The following AGPAT3 variants were observed in gnomAD, a reference collection of about 807,000 sequenced individuals.
AGPAT3 encodes the protein 1-acyl-sn-glycerol-3-phosphate acyltransferase gamma.
Under a neutral mutation model 47.3 loss-of-function variants are expected in AGPAT3, and 5 were observed. That is an observed-to-expected ratio of 0.11 (90% CI 0.06 to 0.22). The LOEUF (loss-of-function observed/expected upper bound fraction) is 0.22. AGPAT3 is among the 10% of genes least tolerant of loss of function. AGPAT3 has a pLI of 1.00. For synonymous variants in AGPAT3, 212 were observed against 208.3 expected (o/e 1.02, Z -0.15); for missense variants, 315 against 493.0 (o/e 0.64, Z 3.42).
Position 43,905,582 on chromosome 21 carries a change from C to A in AGPAT3, c.-49+1563C>A, listed in dbSNP as rs141647653. Among the ~76,000 whole-genome samples the A allele has an allele frequency of 1.0e-3, 159 of 152,314 alleles. 1 individual carries two copies. Among genetic ancestry groups the A allele is most frequent in the African/African-American group, 3.6e-3 (148 of 41,562 alleles). ...ATACTATAAAGACACAGTGGCAGCT[C>A]CCAGCTAACTGGCACTCTGAGCTGT... On this transcript the variant is annotated intron_variant, in intron 2 of 9. Transcript: ENST00000291572.
chr21:43,886,192 C>T (rs2085973374), intron 1 of AGPAT3, among the ~76,000 whole-genome samples: 1 of 152,134 alleles, frequency 6.6e-6, no homozygotes, highest in Non-Finnish European at 1.5e-5. Context: ...CACCTCTGCT[C>T]CTCCTGGCAG....
At chr21:43,886,454 G>T (rs2085981208) in intron 1 of AGPAT3, among the ~76,000 whole-genome samples, 6 of 151,906 alleles carry the variant, frequency 3.9e-5, no homozygotes. Context: ...GTTTCACCCT[G>T]TTGGCCAGGC....
chr21:43,947,852 TGAGACCATCACCATGA>T (rs2087977303), intron 2 of AGPAT3, among the ~76,000 whole-genome samples: 1 of 152,082 alleles, frequency 6.6e-6, no homozygotes, highest in Admixed American at 6.5e-5. Context: ...ACCATGTTGG[TGAGACCATCACCATGA>T]TGGTCTCAAG....
chr21:43,910,765 G>T (rs1601283454), intron 2 of AGPAT3, among the ~76,000 whole-genome samples: 3 of 152,214 alleles, frequency 2.0e-5, no homozygotes, highest in Admixed American at 2.0e-4. Context: ...TGTGTCTCGT[G>T]AAGTCAGGTA....
intron 7 of AGPAT3, among the ~76,000 whole-genome samples, chr21:43,977,451 G>A (rs1302250544): frequency 6.6e-5 from 10 of 152,210 alleles, no homozygotes; most frequent in Admixed American, 6.5e-4. Context: ...TCACTCGTGG[G>A]CACCCTGGGG....
At chr21:43,963,555 T>C (rs7281203) in intron 3 of AGPAT3, among the ~76,000 whole-genome samples, 31,783 of 151,260 alleles carry the variant, frequency 0.21, 3,874 homozygotes, top group African/African-American at 0.34. Flanking sequence ...ACTAAAAATA[T>C]AAAAATTAGC....
intron 2 of AGPAT3, among the ~76,000 whole-genome samples, chr21:43,914,299 T>G (rs1484592571): frequency 1.3e-5 from 2 of 152,252 alleles, no homozygotes; most frequent in Admixed American, 6.5e-5. Flanking sequence ...TCCTTGTGAA[T>G]TTTATGTCAG....
At chr21:43,921,802 T>A (rs116832867) in intron 2 of AGPAT3, among the ~76,000 whole-genome samples, 2 of 151,916 alleles carry the variant, frequency 1.3e-5, no homozygotes, top group African/African-American at 4.8e-5. Flanking sequence ...CTTTTTTTTT[T>A]CCCCCAGGGA....
chr21:43,936,848 G>A (rs1256615594), intron 2 of AGPAT3, among the ~76,000 whole-genome samples: 1 of 152,240 alleles, frequency 6.6e-6, no homozygotes, highest in Admixed American at 6.5e-5. Context: ...GGGCTTCCCT[G>A]TGTATTTGCA....
At chr21:43,891,159 C>A (rs1040691914) in intron 1 of AGPAT3, among the ~76,000 whole-genome samples, 1 of 152,220 alleles carries the variant, frequency 6.6e-6, no homozygotes, top group African/African-American at 2.4e-5. Flanking sequence ...CATTTGATAG[C>A]ATTTTACCCA....
intron 2 of AGPAT3, among the ~76,000 whole-genome samples, chr21:43,937,624 C>G (rs545068371): frequency 6.6e-6 from 1 of 152,114 alleles, no homozygotes; most frequent in East Asian, 1.9e-4. Context: ...AGTGCAGTGG[C>G]GCAATCGTGG....
At chr21:43,964,515 T>C (rs1268537201) in intron 3 of AGPAT3, among the ~76,000 whole-genome samples, 1 of 151,994 alleles carries the variant, frequency 6.6e-6, no homozygotes, top group Non-Finnish European at 1.5e-5. Flanking sequence ...ATGGTAACTT[T>C]GTTAAGTATA....
Position 43,934,169 on chromosome 21 carries a change from A to G in AGPAT3, c.-48-25465A>G, listed in dbSNP as rs544870479. Among the ~76,000 whole-genome samples the G allele has an allele frequency of 6.6e-5, 10 of 152,248 alleles. No individual in the cohort carries two copies. Among genetic ancestry groups the G allele is most frequent in the African/African-American group, 2.4e-4 (10 of 41,538 alleles). ...TGCCCGGCACGCCAGCTCCCCGAGC[A>G]CCAGCTCCCCTGCCGAGCACCAGCT... On this transcript the variant is annotated intron_variant, in intron 2 of 9. Transcript: ENST00000291572. This position sits in a 1 kb window ranked among gnomAD's most constrained non-coding sequence, Gnocchi z 4.7.
At position 43,934,755 on chromosome 21, in the gene AGPAT3, C is replaced by G. The variant is rs977720272; in HGVS notation, c.-48-24879C>G. Among the ~76,000 whole-genome samples, 4 of 152,060 alleles carry G rather than the reference C, an allele frequency of 2.6e-5. No homozygotes were observed. The highest frequency in any genetic ancestry group is 9.7e-5 in the African/African-American group (4 of 41,384). ...AAAGCAAGCCACGCCATGCCACCCA[C>G]GTGCTGCCATATCACATCACGCCAC... On this transcript the variant is annotated intron_variant, in intron 2 of 9. Transcript: ENST00000291572. The surrounding 1 kb of genome is among the most constrained non-coding windows in gnomAD (Gnocchi z 4.7).
At position 43,951,456 on chromosome 21, in the gene AGPAT3, A is replaced by C. The variant is rs138273924; in HGVS notation, c.-48-8178A>C. On this transcript the variant is annotated intron_variant, in intron 2 of 9. Transcript: ENST00000291572. The stretch of plus-strand genomic sequence containing the variant: ...TTGCTCTCGGAAGGGCGGCTTGGGC[A>C]GGGCAAAGGGAGAATTCCAGGGTTT... Among the ~76,000 whole-genome samples the C allele has an allele frequency of 5.2e-4, 79 of 152,312 alleles. 1 individual carries two copies. Among genetic ancestry groups the C allele is most frequent in the African/African-American group, 1.9e-3 (79 of 41,578 alleles).
At chr21:43,942,825 G>A (rs753359522) in intron 2 of AGPAT3, among the ~76,000 whole-genome samples, 8 of 152,150 alleles carry the variant, frequency 5.3e-5, no homozygotes, top group Non-Finnish European at 1.0e-4. Flanking sequence ...GTGGCACGGC[G>A]GTGCCATTGC....
At chr21:43,913,804 G>A (rs2086676346) in intron 2 of AGPAT3, among the ~76,000 whole-genome samples, 1 of 152,164 alleles carries the variant, frequency 6.6e-6, no homozygotes, top group Non-Finnish European at 1.5e-5. Flanking sequence ...CTGCAGCAGA[G>A]TTATCCCATC....
At chr21:43,976,879 G>A (rs1463046967) in intron 7 of AGPAT3, among the ~76,000 whole-genome samples, 4 of 152,138 alleles carry the variant, frequency 2.6e-5, no homozygotes, top group East Asian at 3.8e-4. Context: ...CCCAGCTCCC[G>A]TACACACAGT....
At chr21:43,963,044 A>C (rs1569096328) in intron 3 of AGPAT3, among the ~76,000 whole-genome samples, 1 of 152,246 alleles carries the variant, frequency 6.6e-6, no homozygotes, top group African/African-American at 2.4e-5. Flanking sequence ...AACTGCTCTC[A>C]GTGAAAACTG....
Sources: allele counts gnomAD v4.1 joint callset (sites outside exome capture counted in the v4.1 genomes callset), GRCh38; gene constraint gnomAD v4.1.1; non-coding constraint Gnocchi (gnomAD v3.1); transcripts MANE v1.5; gene names NCBI Gene and HGNC (gene_info 2026-07-23, HGNC 2026-07-21).